Variants in AGBL1 observed in about 807,000 individuals in gnomAD.
AGBL1 encodes cytosolic carboxypeptidase 4.
AGBL1 carries 130 observed loss-of-function variants against 118.9 expected under a neutral mutation model. The ratio of observed to expected loss-of-function variants is 1.09; its 90% CI spans 0.95 to 1.26. The LOEUF (loss-of-function observed/expected upper bound fraction) is 1.26, where lower values mean the gene tolerates loss of function less well. Among genes scored for constraint, AGBL1 ranks in the 50% most tolerant of loss-of-function variants. The probability of loss-of-function intolerance (pLI) is 0.00; values close to 1 mark genes in which losing one functional copy is unlikely to be tolerated. For synonymous variants in AGBL1, 555 were observed against 478.9 expected (o/e 1.16, Z -2.08); for missense variants, 1,584 against 1,298.1 (o/e 1.22, Z -3.38).
chr15:86,423,931 C>A (rs1473747345), intron 18 of AGBL1, among the ~76,000 whole-genome samples: 2 of 152,016 alleles, frequency 1.3e-5, no homozygotes, highest in Non-Finnish European at 2.9e-5. Context: ...TAGAAAGAAC[C>A]AATATAGAGA....
At chr15:86,972,577 T>C (rs984593019) in intron 23 of AGBL1, among the ~76,000 whole-genome samples, 2 of 152,042 alleles carry the variant, frequency 1.3e-5, no homozygotes, top group Non-Finnish European at 2.9e-5. Flanking sequence ...AAGCCTATCT[T>C]TATGTTACAT....
intron 23 of AGBL1, among the ~76,000 whole-genome samples, chr15:86,980,159 G>C (rs1334680606): frequency 6.8e-6 from 1 of 147,180 alleles, no homozygotes; most frequent in African/African-American, 2.5e-5. Flanking sequence ...TCAGTAATCA[G>C]ATCCTAGTTT....
intron 21 of AGBL1, among the ~76,000 whole-genome samples, chr15:86,555,552 A>G (rs1353533322): frequency 6.6e-6 from 1 of 152,182 alleles, no homozygotes; most frequent in African/African-American, 2.4e-5. Context: ...CACTTAGTCT[A>G]AAGACTTGTT....
At chr15:86,114,831 G>T (rs1897655239) in intron 1 of AGBL1, among the ~76,000 whole-genome samples, 1 of 152,194 alleles carries the variant, frequency 6.6e-6, no homozygotes, top group Non-Finnish European at 1.5e-5. Context: ...AGATGCTGAG[G>T]TCCAACGCTA....
chr15:86,934,961 C>A (rs796071515), intron 23 of AGBL1: 1 of 152,176 alleles, frequency 6.6e-6, no homozygotes, highest in Non-Finnish European at 1.5e-5. Flanking sequence ...ACCAAATTTT[C>A]CAACCTTGTG....
intron 18 of AGBL1, among the ~76,000 whole-genome samples, chr15:86,449,946 TA>T (rs11374997): frequency 6.6e-5 from 10 of 151,276 alleles, no homozygotes; most frequent in African/African-American, 1.7e-4. Context: ...GCTGGCGTAT[TA>T]AAAAAAAATT....
chr15:86,823,385 A>G (rs1389757987), intron 22 of AGBL1, among the ~76,000 whole-genome samples: 1 of 152,176 alleles, frequency 6.6e-6, no homozygotes, highest in African/African-American at 2.4e-5. Context: ...CAATTTCTGC[A>G]GGACAACAGT....
At chr15:86,286,287 C>T (rs8034015) in intron 16 of AGBL1, among the ~76,000 whole-genome samples, 58,498 of 151,806 alleles carry the variant, frequency 0.39, 12,163 homozygotes, top group African/African-American at 0.52. Context: ...TATCACCTCA[C>T]ATATTTATCA....
intron 16 of AGBL1, among the ~76,000 whole-genome samples, chr15:86,281,085 A>G (rs987538241): frequency 6.6e-6 from 1 of 152,166 alleles, no homozygotes; most frequent in Non-Finnish European, 1.5e-5. Flanking sequence ...AACACTGCAC[A>G]TGAAAAGTCT....
At chr15:86,180,867 C>G (rs1457071129) in intron 5 of AGBL1, among the ~76,000 whole-genome samples, 1 of 151,984 alleles carries the variant, frequency 6.6e-6, no homozygotes, top group Non-Finnish European at 1.5e-5. Flanking sequence ...AAGATTTGAA[C>G]AGATATGTCA....
At chr15:86,394,815 A>G (rs2081339057) in intron 17 of AGBL1, among the ~76,000 whole-genome samples, 1 of 152,142 alleles carries the variant, frequency 6.6e-6, no homozygotes, top group South Asian at 2.1e-4. Context: ...GTCCCCTTTA[A>G]TTAGTTTTCC....
chr15:86,239,735 G>A (rs1268365920), intron 6 of AGBL1, among the ~76,000 whole-genome samples: 1 of 152,198 alleles, frequency 6.6e-6, no homozygotes, highest in Non-Finnish European at 1.5e-5. Flanking sequence ...GGAGGAGGGG[G>A]ATTGGCTAAA....
intron 18 of AGBL1, among the ~76,000 whole-genome samples, chr15:86,448,638 C>A (rs1382730422): frequency 6.6e-6 from 1 of 152,098 alleles, no homozygotes; most frequent in Non-Finnish European, 1.5e-5. Flanking sequence ...AAGGAAGGTC[C>A]CTCAAGTATC....
At chr15:86,823,699 C>T (rs761881306) in intron 22 of AGBL1, among the ~76,000 whole-genome samples, 1 of 152,100 alleles carries the variant, frequency 6.6e-6, no homozygotes, top group Non-Finnish European at 1.5e-5. Context: ...AAATATAAGA[C>T]TGGACAGGGT....
intron 5 of AGBL1, among the ~76,000 whole-genome samples, chr15:86,172,835 A>G (rs575109369): frequency 1.1e-4 from 16 of 152,304 alleles, no homozygotes; most frequent in Admixed American, 3.3e-4. Context: ...TCTTTAATAT[A>G]CTGATTTCCT....
intron 4 of AGBL1, among the ~76,000 whole-genome samples, chr15:86,154,814 A>C (rs1420496160): frequency 6.6e-6 from 1 of 152,118 alleles, no homozygotes; most frequent in East Asian, 1.9e-4. Flanking sequence ...TCTCCTTGGC[A>C]GTTACACATT....
intron 21 of AGBL1, among the ~76,000 whole-genome samples, chr15:86,664,643 C>T (rs1300022905): frequency 6.6e-6 from 1 of 152,004 alleles, no homozygotes; most frequent in Non-Finnish European, 1.5e-5. Context: ...CCTAGTGACC[C>T]TAAAAAAGTT....
At chr15:86,581,500 G>A (rs909361043) in intron 21 of AGBL1, among the ~76,000 whole-genome samples, 1 of 152,074 alleles carries the variant, frequency 6.6e-6, no homozygotes, top group Non-Finnish European at 1.5e-5. Flanking sequence ...TCCTAAAAGA[G>A]GCCATTGCAA....
Position 86,442,142 on chromosome 15 carries a change from G to C in AGBL1, c.2555+44596G>C, listed in dbSNP as rs553546717. Among the ~76,000 whole-genome samples, 32 of 152,336 alleles carry C rather than the reference G, an allele frequency of 2.1e-4. 1 individual carries two copies. Among genetic ancestry groups the C allele is most frequent in the Admixed American group, 1.7e-3 (26 of 15,306 alleles). ...CCGGGAGGCTGTGCCTTGTCACTGG[G>C]TACCAGCTATGTGGTGTGTGGTATT... On this transcript the variant is annotated intron_variant, in intron 18 of 22. Coordinates refer to ENST00000614907, the MANE Select transcript of AGBL1 (RefSeq NM_001386094.1).
Sources: allele counts gnomAD v4.1 joint callset (sites outside exome capture counted in the v4.1 genomes callset), GRCh38; gene constraint gnomAD v4.1.1; transcripts MANE v1.5; gene names NCBI Gene and HGNC (gene_info 2026-07-23, HGNC 2026-07-21).